ZNF565: variants seen among roughly 807,000 people sequenced by gnomAD.
ZNF565 encodes the protein zinc finger protein 565.
Under a neutral mutation model 39.4 loss-of-function variants are expected in ZNF565, and 27 were observed. The observed-to-expected ratio is 0.69, with a 90% CI of 0.51 to 0.95. The LOEUF (loss-of-function observed/expected upper bound fraction) is 0.95. Ranked by LOEUF, ZNF565 falls within the 40% of genes least tolerant of loss-of-function variation. ZNF565 has a pLI of 0.00. For missense variants in ZNF565, 524 were observed against 621.1 expected (o/e 0.84, Z 1.66); for synonymous variants, 185 against 216.6 (o/e 0.85, Z 1.28).
intron 1 of ZNF565, chr19:36,237,039 T>C: frequency 6.2e-7 from 1 of 1,614,172 alleles, no homozygotes; most frequent in Non-Finnish European, 8.5e-7. Flanking sequence ...ACATCACTTA[T>C]TGTACATGTG....
chr19:36,207,138 G>A (rs1332328788), intron 1 of ZNF565, among the ~76,000 whole-genome samples: 2 of 152,220 alleles, frequency 1.3e-5, no homozygotes, highest in Non-Finnish European at 2.9e-5. Flanking sequence ...GAGAGAGCTA[G>A]AAGCCAGATC....
chr19:36,210,419 CAAAAAAAAA>C (rs35345882), intron 1 of ZNF565, among the ~76,000 whole-genome samples: 3 of 67,048 alleles, frequency 4.5e-5, no homozygotes, highest in African/African-American at 5.8e-5. Flanking sequence ...AATTCTGTCT[CAAAAAAAAA>C]AAAAAAAAAA....
intron 1 of ZNF565, among the ~76,000 whole-genome samples, chr19:36,228,136 G>A (rs1324388047): frequency 6.8e-6 from 1 of 146,196 alleles, no homozygotes; most frequent in Non-Finnish European, 1.5e-5. Context: ...CTCTAGCCTG[G>A]GCAACAGGAG....
chr19:36,215,843 A>G (rs1296630554), upstream of ZNF565, among the ~76,000 whole-genome samples: 1 of 152,204 alleles, frequency 6.6e-6, no homozygotes, highest in African/African-American at 2.4e-5. Context: ...GAGGGAGTCA[A>G]CGGTTTTAGG....
chr19:36,241,501 AAAG>A (rs1568440403), intron 1 of ZNF565, among the ~76,000 whole-genome samples: 1 of 137,404 alleles, frequency 7.3e-6, no homozygotes, highest in Non-Finnish European at 1.6e-5. Context: ...AAAAAAAAAA[AAAG>A]TGTTGGGGCC....
In ZNF565 at chr19:36,195,024, C is replaced by T; in HGVS notation, c.136+6G>A. On this transcript the variant is annotated splice_donor_region_variant and intron_variant, in intron 3 of 4. Coordinates refer to ENST00000304116, the MANE Select transcript of ZNF565 (RefSeq NM_152477.5). ...CCGTCTGGCCCGTGTGATACAATCT[C>T]CTTACCTAGTGAGGCCAAGTGACCA... 6.2e-7 allele frequency: 1 copy of T among 1,614,120 alleles called. No individual in the cohort carries two copies. Among genetic ancestry groups the T allele is most frequent in the South Asian group, 1.1e-5 (1 of 91,084 alleles).
chr19:36,213,361 A>G (rs1976439921), intron 1 of ZNF565: 2 of 151,712 alleles, frequency 1.3e-5, no homozygotes, highest in Admixed American at 6.6e-5. Context: ...GGTGTGGGCC[A>G]CCACACTCAG....
chr19:36,240,063 C>G (rs145095848), intron 1 of ZNF565, among the ~76,000 whole-genome samples: 42 of 152,200 alleles, frequency 2.8e-4, no homozygotes, highest in African/African-American at 9.9e-4. Context: ...CTCTGTTTTC[C>G]CTGTTTGCAC....
In ZNF565 at chr19:36,183,101, T is replaced by C. The variant is rs1975145259; in HGVS notation, c.865A>G (p.Ile289Val). 1.2e-6 allele frequency: 2 copies of C among 1,614,190 alleles called. No homozygotes were observed. The highest frequency in any genetic ancestry group is 4.5e-5 in the East Asian group (2 of 44,872). Reference protein sequence around the residue: ...YVCKDCGKAFIRGSQLTVHRR... With the variant: ...YVCKDCGKAFVRGSQLTVHRR... ...TGCACAGTGAGTTGGGAGCCACGAATGAAAGCCTTGCCACAGTCTTTACAT... is the reference window on the plus strand; with the variant it reads ...TGCACAGTGAGTTGGGAGCCACGAACGAAAGCCTTGCCACAGTCTTTACAT... Residue 289 changes from isoleucine (I) to valine (V), a missense_variant, in exon 5 of 5, where the codon ATT becomes GTT. By Grantham distance (29) the Ile-to-Val change is conservative. Coordinates refer to ENST00000304116, the MANE Select transcript of ZNF565 (RefSeq NM_152477.5).
intron 1 of ZNF565, among the ~76,000 whole-genome samples, chr19:36,240,523 T>C (rs962409367): frequency 2.0e-5 from 3 of 152,154 alleles, no homozygotes; most frequent in Non-Finnish European, 4.4e-5. Context: ...CAAAACTCAA[T>C]GTTGAAATTT....
intron 1 of ZNF565, among the ~76,000 whole-genome samples, chr19:36,211,656 G>A (rs1450409563): frequency 1.3e-5 from 2 of 151,996 alleles, no homozygotes; most frequent in Non-Finnish European, 1.5e-5. Context: ...AGCCAGGCGC[G>A]GTGGCAGGCA....
intron 1 of ZNF565, chr19:36,213,331 C>T (rs971528802): frequency 6.6e-6 from 1 of 152,308 alleles, no homozygotes; most frequent in African/African-American, 2.4e-5. Flanking sequence ...ACCTCAGCTT[C>T]CCGGGTAGCT....
At chr19:36,241,466 A>G (rs1407238037) in intron 1 of ZNF565, among the ~76,000 whole-genome samples, 1 of 140,372 alleles carries the variant, frequency 7.1e-6, no homozygotes, top group Non-Finnish European at 1.5e-5. Context: ...CCTGGGTGAC[A>G]AGAGCAAGAC....
intron 4 of ZNF565, among the ~76,000 whole-genome samples, chr19:36,193,212 TGACCTCGTGATCC>T (rs1975628027): frequency 6.6e-6 from 1 of 151,672 alleles, no homozygotes. Context: ...CTCGATCTCC[TGACCTCGTGATCC>T]GCCCGCCTCA....
chr19:36,193,884 A>C (rs111952473), intron 4 of ZNF565, among the ~76,000 whole-genome samples: 3 of 152,202 alleles, frequency 2.0e-5, no homozygotes, highest in African/African-American at 7.2e-5. Flanking sequence ...GCAGTGAGCT[A>C]TGATCACGCC....
chr19:36,183,097 C>T lies in ZNF565; in HGVS notation c.869G>A (p.Arg290His), dbSNP rs753655715. The T allele has an allele frequency of 7.4e-6, 12 of 1,614,016 alleles. No homozygotes were observed. Among genetic ancestry groups the T allele is most frequent in the South Asian group, 1.1e-5 (1 of 91,086 alleles). Residue 290 changes from arginine to histidine, a missense_variant, in exon 5 of 5, where the codon CGT becomes CAT. Transcript: ENST00000304116. ...CCGATGCACAGTGAGTTGGGAGCCA[C>T]GAATGAAAGCCTTGCCACAGTCTTT... ...VCKDCGKAFIRGSQLTVHRRI... is the reference protein window; with the variant it reads ...VCKDCGKAFIHGSQLTVHRRI...
chr19:36,205,115 T>C (rs1004754277), intron 1 of ZNF565, among the ~76,000 whole-genome samples: 10 of 152,146 alleles, frequency 6.6e-5, no homozygotes, highest in African/African-American at 2.4e-4. Flanking sequence ...GACCAATAAA[T>C]ACAGGCTGAT....
chr19:36,229,222 A>G (rs1189364181), intron 1 of ZNF565, among the ~76,000 whole-genome samples: 1 of 152,176 alleles, frequency 6.6e-6, no homozygotes, highest in African/African-American at 2.4e-5. Context: ...TGAATGCCTC[A>G]GAATTATATT....
At chr19:36,193,059 G>A (rs1389387423) in intron 4 of ZNF565, among the ~76,000 whole-genome samples, 8 of 152,036 alleles carry the variant, frequency 5.3e-5, no homozygotes, top group Non-Finnish European at 1.0e-4. Flanking sequence ...GCAGTGGTGT[G>A]ATCTTGGCTC....
Sources: allele counts gnomAD v4.1 joint callset (sites outside exome capture counted in the v4.1 genomes callset), GRCh38; gene constraint gnomAD v4.1.1; transcripts MANE v1.5; gene names NCBI Gene and HGNC (gene_info 2026-07-23, HGNC 2026-07-21).